The following POU6F2 variants were observed in gnomAD, a reference collection of about 807,000 sequenced individuals.
POU6F2 encodes the protein POU class 6 homeobox 2, also known as POU domain, class 6, transcription factor 2.
A neutral mutation model predicts 71.3 loss-of-function variants in POU6F2; 31 were observed. The observed-to-expected ratio is 0.43, with a 90% confidence interval of 0.33 to 0.59. POU6F2 has a LOEUF of 0.59. Among genes scored for constraint, POU6F2 ranks in the 20% least tolerant of loss-of-function variants. The pLI is 0.04. For missense variants in POU6F2, 783 were observed against 856.8 expected, an observed-to-expected ratio of 0.91 and a Z score of 1.07; for synonymous variants, 347 against 355.7, an observed-to-expected ratio of 0.98 and a Z score of 0.27.
intron 4 of POU6F2, among the ~76,000 whole-genome samples, chr7:39,295,191 CCA>C (rs1784823990): frequency 6.7e-6 from 1 of 149,404 alleles, no homozygotes; most frequent in African/African-American, 2.5e-5. Context: ...ATTGTCTTTT[CCA>C]CAGTTATCAG....
chr7:39,105,776 T>G (rs1411674392), intron 2 of POU6F2, among the ~76,000 whole-genome samples: 1 of 152,200 alleles, frequency 6.6e-6, no homozygotes, highest in Admixed American at 6.5e-5. Context: ...AGTCATGAAC[T>G]TAGTACTGAA....
At chr7:39,301,194 G>C (rs778441512) in intron 4 of POU6F2, among the ~76,000 whole-genome samples, 12 of 152,182 alleles carry the variant, frequency 7.9e-5, no homozygotes, top group Non-Finnish European at 1.0e-4. Flanking sequence ...TGCATTTCTA[G>C]AAGTTTGGGT....
intron 2 of POU6F2, among the ~76,000 whole-genome samples, chr7:39,190,805 T>C (rs1490877245): frequency 6.6e-6 from 1 of 151,812 alleles, no homozygotes; most frequent in Non-Finnish European, 1.5e-5. Flanking sequence ...GCCTGGTTAA[T>C]TTTTGTATTT....
intron 2 of POU6F2, among the ~76,000 whole-genome samples, chr7:39,135,698 G>A (rs1358833376): frequency 6.6e-6 from 1 of 152,012 alleles, no homozygotes; most frequent in Non-Finnish European, 1.5e-5. Context: ...ACATTTCATT[G>A]TGAAGGTATT....
chr7:39,005,484 CTGTGTGTGTGTGTG>C (rs56984287), intron 1 of POU6F2, among the ~76,000 whole-genome samples: 1 of 126,608 alleles, frequency 7.9e-6, no homozygotes, highest in Non-Finnish European at 1.7e-5. Context: ...AGGGAGAAAC[CTGTGTGTGTGTGTG>C]TGTGTGTGTG....
At chr7:39,294,431 A>C (rs139488350) in intron 4 of POU6F2, among the ~76,000 whole-genome samples, 3 of 150,734 alleles carry the variant, frequency 2.0e-5, no homozygotes, top group Non-Finnish European at 4.4e-5. Flanking sequence ...GGGGAGAAGG[A>C]AAAATAAAAA....
At chr7:39,375,677 A>G (rs946052314) in intron 5 of POU6F2, among the ~76,000 whole-genome samples, 1 of 151,890 alleles carries the variant, frequency 6.6e-6, no homozygotes, top group African/African-American at 2.4e-5. Flanking sequence ...AGCAGTGTGG[A>G]AACTCCTGGG....
chr7:39,256,693 A>G (rs879031944), intron 4 of POU6F2, among the ~76,000 whole-genome samples: 7 of 152,182 alleles, frequency 4.6e-5, no homozygotes, highest in Admixed American at 1.3e-4. Flanking sequence ...AAAAGTCCCA[A>G]TTAAAGAAGG....
intron 1 of POU6F2, among the ~76,000 whole-genome samples, chr7:39,065,565 T>C (rs1212735263): frequency 2.6e-5 from 4 of 151,454 alleles, no homozygotes; most frequent in Admixed American, 1.3e-4. Flanking sequence ...AAATATTTGC[T>C]AAATCTAAAC....
chr7:38,994,298 A>C (rs545167090), intron 1 of POU6F2, among the ~76,000 whole-genome samples: 1 of 152,128 alleles, frequency 6.6e-6, no homozygotes, highest in Non-Finnish European at 1.5e-5. Flanking sequence ...TCATGGTGGT[A>C]TAATGACTGG....
At chr7:39,257,089 T>C (rs1784039085) in intron 4 of POU6F2, among the ~76,000 whole-genome samples, 1 of 152,170 alleles carries the variant, frequency 6.6e-6, no homozygotes, top group Non-Finnish European at 1.5e-5. Context: ...CAATGGAAGG[T>C]TTGTTGCATC....
chr7:39,384,271 C>G (rs180704068), intron 5 of POU6F2, among the ~76,000 whole-genome samples: 236 of 152,294 alleles, frequency 1.5e-3, no homozygotes, highest in African/African-American at 5.4e-3. Context: ...ATCAAATGCT[C>G]CTGGGCATGG....
intron 4 of POU6F2, among the ~76,000 whole-genome samples, chr7:39,299,019 A>G (rs999263082): frequency 3.3e-5 from 5 of 152,034 alleles, no homozygotes; most frequent in African/African-American, 1.2e-4. Flanking sequence ...GGTGGGGAGT[A>G]AGGGGAGGGA....
chr7:39,012,875 T>G lies in POU6F2; in HGVS notation c.105+34817T>G, dbSNP rs369098587. Among the ~76,000 whole-genome samples the G allele has an allele frequency of 1.9e-4, 29 of 152,278 alleles. No homozygotes were observed. In the South Asian group the frequency reaches 3.9e-3, roughly 21 times the overall value. On this transcript the variant is annotated intron_variant, in intron 1 of 9. Transcript: ENST00000518318. Reference sequence around the variant, plus strand: ...CAGGGACCCACTTGAGGAGGCAGTCTGCCGGTTCTCAGATCTCCAGCTGCG... The same window carrying G: ...CAGGGACCCACTTGAGGAGGCAGTCGGCCGGTTCTCAGATCTCCAGCTGCG...
At chr7:39,050,512 G>T (rs989971235) in intron 1 of POU6F2, among the ~76,000 whole-genome samples, 1 of 152,094 alleles carries the variant, frequency 6.6e-6, no homozygotes, top group African/African-American at 2.4e-5. Context: ...TCAACCAAGG[G>T]TATCAAGTGT....
chr7:38,998,741 C>T (rs1170170050), intron 1 of POU6F2, among the ~76,000 whole-genome samples: 2 of 151,050 alleles, frequency 1.3e-5, no homozygotes, highest in South Asian at 2.1e-4. Context: ...AGCTCCGCCT[C>T]CAAGTTCAAG....
Position 39,358,430 on chromosome 7 carries a change from A to G in POU6F2, c.972+18415A>G, listed in dbSNP as rs190732641. On this transcript the variant is annotated intron_variant, in intron 5 of 9. Coordinates refer to ENST00000518318, the MANE Select transcript of POU6F2 (RefSeq NM_001370959.1). ...TACTTAGATGTATTTAAAATTCCTCATAAGAAAAAATTAAATAAAAAAGTT... is the reference window on the plus strand; with the variant it reads ...TACTTAGATGTATTTAAAATTCCTCGTAAGAAAAAATTAAATAAAAAAGTT... Among the ~76,000 whole-genome samples the G allele has an allele frequency of 1.6e-3, 250 of 152,322 alleles. 2 individuals are homozygous for G. The highest frequency in any genetic ancestry group is 5.7e-3 in the African/African-American group (236 of 41,570).
At chr7:39,017,330 T>C (rs949076357) in intron 1 of POU6F2, among the ~76,000 whole-genome samples, 5 of 152,332 alleles carry the variant, frequency 3.3e-5, no homozygotes, top group African/African-American at 1.2e-4. Flanking sequence ...TGTTAGTGAT[T>C]TATGTAATCT....
chr7:39,441,119 A>G (rs1214252261), intron 7 of POU6F2, among the ~76,000 whole-genome samples: 1 of 152,070 alleles, frequency 6.6e-6, no homozygotes, highest in Non-Finnish European at 1.5e-5. Flanking sequence ...TGCCAGTAGG[A>G]TCACTCCTAT....
Sources: gnomAD v4.1 joint callset for allele counts (sites outside exome capture counted in the v4.1 genomes callset) on GRCh38, gnomAD v4.1.1 for gene constraint, MANE v1.5 for transcripts, NCBI Gene and HGNC (gene_info 2026-07-23, HGNC 2026-07-21) for gene names.